Variants in MAPDA observed in about 807,000 individuals in gnomAD.
The protein encoded by MAPDA is N6-Methyl-AMP deaminase.
At chr15:43,337,446 T>A in the MAPDA span, among the ~76,000 whole-genome samples, 2 of 152,184 alleles carry the variant, frequency 1.3e-5, no homozygotes, top group Admixed American at 1.3e-4. Context: ...GAAATTGTGC[T>A]TTCCCTCTGA....
the MAPDA span, among the ~76,000 whole-genome samples, chr15:43,344,779 C>CT: frequency 7.0e-6 from 1 of 143,628 alleles, no homozygotes; most frequent in Non-Finnish European, 1.5e-5. Context: ...TCACTCCAGC[C>CT]TGGGTGACAA....
the MAPDA span, among the ~76,000 whole-genome samples, chr15:43,337,760 C>G: frequency 3.9e-5 from 6 of 152,280 alleles, no homozygotes; most frequent in Admixed American, 6.5e-5. Context: ...GGAGAGGTAA[C>G]TCTAATAGTT....
At chr15:43,341,670 C>CG in the MAPDA span, among the ~76,000 whole-genome samples, 2 of 151,710 alleles carry the variant, frequency 1.3e-5, no homozygotes, top group Non-Finnish European at 2.9e-5. Flanking sequence ...AAGACCCCCC[C>CG]CACCTCTATG....
chr15:43,352,758 T>C, the MAPDA span: 4 of 152,152 alleles, frequency 2.6e-5, no homozygotes, highest in Admixed American at 2.6e-4. Context: ...CCAGGCCACA[T>C]TGTATACCAG....
the MAPDA span, chr15:43,349,452 T>A: frequency 4.6e-6 from 3 of 645,666 alleles, no homozygotes; most frequent in Non-Finnish European, 5.8e-6. Context: ...CACACTTGAT[T>A]GTCTATGTGT....
chr15:43,354,027 T>A, the MAPDA span: 1 of 152,186 alleles, frequency 6.6e-6, no homozygotes, highest in African/African-American at 2.4e-5. Flanking sequence ...GCACTGGAAG[T>A]GGGCAGCAGT....
the MAPDA span, chr15:43,352,868 A>G: frequency 1.3e-5 from 2 of 152,098 alleles, no homozygotes; most frequent in Non-Finnish European, 2.9e-5. Flanking sequence ...GGTACTAGAA[A>G]GTGAAGTCAT....
the MAPDA span, among the ~76,000 whole-genome samples, chr15:43,334,191 A>T: frequency 6.6e-6 from 1 of 151,724 alleles, no homozygotes; most frequent in African/African-American, 2.4e-5. Flanking sequence ...ATTTTTGTAA[A>T]TAAAGAAACT....
the MAPDA span, among the ~76,000 whole-genome samples, chr15:43,336,341 A>G: frequency 6.6e-6 from 1 of 152,164 alleles, no homozygotes; most frequent in African/African-American, 2.4e-5. Context: ...CATTATACCC[A>G]GCATGTGATA....
At chr15:43,337,275 C>CAAA in the MAPDA span, among the ~76,000 whole-genome samples, 38 of 61,610 alleles carry the variant, frequency 6.2e-4, no homozygotes, top group East Asian at 2.5e-3. Flanking sequence ...GACTCCGTCT[C>CAAA]AAAAAAAAAA....
the MAPDA span, chr15:43,352,192 A>C: frequency 1.3e-3 from 461 of 364,672 alleles, 4 homozygotes; most frequent in East Asian, 0.019. Context: ...ACCAGTGATT[A>C]TTGTGACTCA....
chr15:43,342,446 TAAAA>T, the MAPDA span, among the ~76,000 whole-genome samples: 118 of 113,622 alleles, frequency 1.0e-3, no homozygotes, highest in Middle Eastern at 4.6e-3. Context: ...ATATCCCTTT[TAAAA>T]AAAAAAAAAA....
At chr15:43,347,008 T>C in the MAPDA span, 1 of 1,612,158 alleles carries the variant, frequency 6.2e-7, no homozygotes, top group Non-Finnish European at 8.5e-7. Flanking sequence ...TTAACTTTTA[T>C]CTTTAAGGTA....
At chr15:43,353,279 ACAAAC>A in the MAPDA span, 1 of 53,912 alleles carries the variant, frequency 1.9e-5, no homozygotes, top group Non-Finnish European at 3.0e-5. Context: ...AGGTAAAAAA[ACAAAC>A]AAACAAACAA....
chr15:43,336,806 A>C, the MAPDA span: 2 of 714,208 alleles, frequency 2.8e-6, no homozygotes, highest in Non-Finnish European at 4.2e-6. Flanking sequence ...TTTCTCTATT[A>C]TGGCAACTCT....
At chr15:43,336,097 A>G in the MAPDA span, among the ~76,000 whole-genome samples, 5 of 152,154 alleles carry the variant, frequency 3.3e-5, no homozygotes, top group African/African-American at 1.2e-4. Flanking sequence ...ACTGGAGTGC[A>G]GTGGCGTGAC....
the MAPDA span, among the ~76,000 whole-genome samples, chr15:43,340,821 TGA>T: frequency 6.6e-6 from 1 of 152,244 alleles, no homozygotes. Flanking sequence ...GTTTTCACTC[TGA>T]GAAAAGGATA....
At chr15:43,349,280 A>T in the MAPDA span, 1 of 1,238,648 alleles carries the variant, frequency 8.1e-7, no homozygotes, top group East Asian at 3.1e-5. Context: ...TACATTCTCC[A>T]ATGCTTGGAA....
At chr15:43,344,402 G>GATCT in the MAPDA span, among the ~76,000 whole-genome samples, 1 of 152,074 alleles carries the variant, frequency 6.6e-6, no homozygotes, top group Non-Finnish European at 1.5e-5. Context: ...ATATGTAGTT[G>GATCT]ATCTAAATTT....
Sources: gnomAD v4.1 joint callset for allele counts (sites outside exome capture counted in the v4.1 genomes callset) on GRCh38, gnomAD v4.1.1 for gene constraint, MANE v1.5 for transcripts, NCBI Gene and HGNC (gene_info 2026-07-23, HGNC 2026-07-21) for gene names.